COL22A1: variants seen among roughly 807,000 people sequenced by gnomAD.
COL22A1 encodes the protein collagen type XXII alpha 1 chain.
COL22A1 carries 221 observed loss-of-function variants against 248.9 expected under a neutral mutation model. The ratio of observed to expected loss-of-function variants is 0.89; its 90% confidence interval spans 0.80 to 0.99. The LOEUF is 0.99. COL22A1 is among the 50% of genes least tolerant of loss of function. The pLI is 0.00. For missense variants in COL22A1, 2,240 were observed against 2,179.0 expected (o/e 1.03, Z -0.56); for synonymous variants, 891 against 793.4 (o/e 1.12, Z -2.07).
At chr8:138,802,252 C>A (rs572549205) in intron 11 of COL22A1, among the ~76,000 whole-genome samples, 1 of 152,228 alleles carries the variant, frequency 6.6e-6, no homozygotes, top group East Asian at 1.9e-4. Flanking sequence ...CTCTGCAATT[C>A]TTTCCTGACC....
chr8:138,617,874 C>T (rs777817720), intron 53 of COL22A1, among the ~76,000 whole-genome samples: 1 of 152,118 alleles, frequency 6.6e-6, no homozygotes, highest in African/African-American at 2.4e-5. Flanking sequence ...GCTGTCAGGA[C>T]TGAATAAGAC....
chr8:138,644,453 A>T (rs2130484415), intron 47 of COL22A1, among the ~76,000 whole-genome samples: 1 of 152,236 alleles, frequency 6.6e-6, no homozygotes, highest in South Asian at 2.1e-4. Context: ...GAGAAATAAA[A>T]ATAAAATCCT....
chr8:138,619,465 CG>C lies in COL22A1; in HGVS notation c.3814del (p.Arg1272GlufsTer156). 1 of 1,614,098 alleles carries C rather than the reference CG, an allele frequency of 6.2e-7. No homozygotes were observed. The highest frequency in any genetic ancestry group is 8.5e-7 in the Non-Finnish European group (1 of 1,179,978). ...EPGLPGPEGARGPPGFKGHTG... is the reference protein window; with the variant it reads ...EPGLPGPEGAXGPPGFKGHTG... ...ACACTACACACTTACAGGTGGGCCT[CG>C]GGCACCCTCTGGTCCTGGTAGACCT... On this transcript the variant is annotated frameshift_variant, in exon 53 of 65. Coordinates refer to ENST00000303045, the MANE Select transcript of COL22A1 (RefSeq NM_152888.3). LOFTEE classifies it high-confidence loss of function.
chr8:138,871,667 A>G (rs1486837430), intron 3 of COL22A1, among the ~76,000 whole-genome samples: 2 of 152,224 alleles, frequency 1.3e-5, no homozygotes, highest in Admixed American at 6.5e-5. Context: ...CTGAAAGATA[A>G]TAGAAGCTCA....
intron 41 of COL22A1, among the ~76,000 whole-genome samples, chr8:138,671,088 G>A (rs1173764064): frequency 6.6e-6 from 1 of 151,110 alleles, no homozygotes; most frequent in African/African-American, 2.4e-5. Flanking sequence ...CTTCAATGCA[G>A]ATTGTTTTCA....
intron 46 of COL22A1, among the ~76,000 whole-genome samples, chr8:138,648,769 A>C (rs1340380701): frequency 6.6e-6 from 1 of 152,212 alleles, no homozygotes; most frequent in Non-Finnish European, 1.5e-5. Context: ...ACTTTGGATA[A>C]AGCCAATTAG....
rs73443096 is a variant in COL22A1 at position 138,728,705 on chromosome 8, G to T, written c.2140-3265C>A. Among the ~76,000 whole-genome samples the T allele has an allele frequency of 4.7e-3, 711 of 152,046 alleles. 8 individuals are homozygous for T. The highest frequency in any genetic ancestry group is 0.016 in the African/African-American group (682 of 41,440). ...TCCTTGTCTGACAATGAAGAAAACT[G>T]AGGCCCAAAGAGGGTCAGGACCCAC... On this transcript the variant is annotated intron_variant, in intron 23 of 64. Transcript: ENST00000303045.
chr8:138,674,927 A>T (rs1825390496), intron 41 of COL22A1, among the ~76,000 whole-genome samples: 1 of 152,226 alleles, frequency 6.6e-6, no homozygotes, highest in South Asian at 2.1e-4. Flanking sequence ...CCTTCCAGTT[A>T]CAAAAAGACT....
At chr8:138,742,222 G>C (rs111206258) in intron 22 of COL22A1, among the ~76,000 whole-genome samples, 26 of 151,844 alleles carry the variant, frequency 1.7e-4, no homozygotes, top group African/African-American at 6.3e-4. Flanking sequence ...TGATGGTGGA[G>C]TTGATGGTGA....
intron 1 of COL22A1, among the ~76,000 whole-genome samples, chr8:138,906,921 G>C (rs1158348145): frequency 6.6e-6 from 1 of 152,128 alleles, no homozygotes; most frequent in South Asian, 2.1e-4. Context: ...CCAAAGTGCC[G>C]GGACTACAAG....
chr8:138,902,462 C>A (rs1417526645), intron 1 of COL22A1, among the ~76,000 whole-genome samples: 2 of 152,046 alleles, frequency 1.3e-5, no homozygotes, highest in Non-Finnish European at 2.9e-5. Flanking sequence ...CTTTGGAAGG[C>A]CGAGGTGGGC....
chr8:138,737,579 T>C lies in COL22A1; in HGVS notation c.2086-2A>G. On this transcript the variant is annotated splice_acceptor_variant, in intron 22 of 64. Transcript: ENST00000303045. LOFTEE classifies it high-confidence loss of function. Reference sequence around the variant, plus strand: ...TGGTCCCATGTCACCTTTCTTCCCCTGAGTGTAAAAGAAGAAGCTAAAATT... The same window carrying C: ...TGGTCCCATGTCACCTTTCTTCCCCCGAGTGTAAAAGAAGAAGCTAAAATT... 1 of 1,607,394 alleles carries C rather than the reference T, an allele frequency of 6.2e-7. No individual in the cohort carries two copies. The highest frequency in any genetic ancestry group is 8.5e-7 in the Non-Finnish European group (1 of 1,174,310).
chr8:138,797,550 T>G (rs1440494737), intron 11 of COL22A1, among the ~76,000 whole-genome samples: 1 of 152,244 alleles, frequency 6.6e-6, no homozygotes, highest in Non-Finnish European at 1.5e-5. Flanking sequence ...TAAACATTTT[T>G]GTGAAAGTTT....
intron 5 of COL22A1, among the ~76,000 whole-genome samples, chr8:138,831,612 A>C (rs1586846983): frequency 6.6e-6 from 1 of 152,124 alleles, no homozygotes. Flanking sequence ...AGGTAGAGGA[A>C]GAACATGAAC....
At chr8:138,767,856 T>C (rs1834031308) in intron 16 of COL22A1, among the ~76,000 whole-genome samples, 1 of 152,210 alleles carries the variant, frequency 6.6e-6, no homozygotes, top group Admixed American at 6.5e-5. Flanking sequence ...CTCTGAAACC[T>C]CGCTGCTGAT....
chr8:138,778,616 C>T (rs773299827), intron 14 of COL22A1, among the ~76,000 whole-genome samples: 2 of 152,192 alleles, frequency 1.3e-5, no homozygotes, highest in African/African-American at 2.4e-5. Context: ...CCATCTGCTG[C>T]CTGGTGGAGC....
intron 32 of COL22A1, among the ~76,000 whole-genome samples, chr8:138,696,034 G>T (rs1050266312): frequency 5.3e-5 from 8 of 152,226 alleles, no homozygotes; most frequent in African/African-American, 1.2e-4. Flanking sequence ...TATGACTTTT[G>T]CAGTTTCCAT....
At chr8:138,876,186 G>C (rs1174784114) in intron 3 of COL22A1, among the ~76,000 whole-genome samples, 3 of 152,012 alleles carry the variant, frequency 2.0e-5, no homozygotes, top group African/African-American at 7.2e-5. Context: ...AGCTGCACGG[G>C]CCCATCATGG....
chr8:138,597,006 CA>C (rs1285483502), intron 61 of COL22A1, 36 bp from the exon 62 acceptor site: 1 of 1,585,732 alleles, frequency 6.3e-7, no homozygotes, highest in African/African-American at 1.3e-5. Context: ...TTCATCTTCC[CA>C]GTAACTTCTG....
Sources: gnomAD v4.1 joint callset for allele counts (sites outside exome capture counted in the v4.1 genomes callset) on GRCh38, gnomAD v4.1.1 for gene constraint, MANE v1.5 for transcripts, NCBI Gene and HGNC (gene_info 2026-07-23, HGNC 2026-07-21) for gene names.